CACNA1A: variants seen among roughly 807,000 people sequenced by gnomAD.
CACNA1A encodes calcium voltage-gated channel subunit alpha1 A.
In CACNA1A, 57 loss-of-function variants were observed where a neutral mutation model predicts 262.4. The ratio of observed to expected loss-of-function variants is 0.22; its 90% confidence interval spans 0.18 to 0.27. The LOEUF is 0.27. Among genes scored for constraint, CACNA1A ranks in the 10% least tolerant of loss-of-function variants. The pLI is 1.00. For synonymous variants in CACNA1A, 1,431 were observed against 1,419.3 expected, an observed-to-expected ratio of 1.01 and a Z score of -0.18; for missense variants, 2,526 against 3,562.8, an observed-to-expected ratio of 0.71 and a Z score of 7.41.
Position 13,343,422 on chromosome 19 carries a change from C to G in CACNA1A, c.979-7513G>C, listed in dbSNP as rs1250149327. 6.6e-5 allele frequency among the ~76,000 whole-genome samples: 10 copies of G among 152,216 alleles called. No homozygotes were observed. The East Asian group carries it at 1.7e-3, about 26-fold the overall frequency. ...TACAGGCATGAGCCACTGCACCCAG[C>G]CTCCTTCTGGTCTTTCTTAAATGCC... On this transcript the variant is annotated intron_variant, in intron 6 of 46. Transcript: ENST00000360228.
chr19:13,269,679 T>C (rs1423911580), intron 24 of CACNA1A, among the ~76,000 whole-genome samples: 1 of 152,188 alleles, frequency 6.6e-6, no homozygotes, highest in East Asian at 1.9e-4. Context: ...GCCGCCCTGA[T>C]GCATGGGCAC....
chr19:13,502,203 A>G (rs1393928713), intron 1 of CACNA1A, among the ~76,000 whole-genome samples: 1 of 151,110 alleles, frequency 6.6e-6, no homozygotes, highest in Admixed American at 6.6e-5. Context: ...CAATCAGCCA[A>G]TGTCCACAGA....
In CACNA1A at chr19:13,475,986, A is replaced by G. The variant is rs142762177; in HGVS notation, c.294-20774T>C. Among the ~76,000 whole-genome samples, 774 of 152,330 alleles carry G rather than the reference A, an allele frequency of 5.1e-3. 5 individuals carry two copies. The highest frequency in any genetic ancestry group is 0.017 in the African/African-American group (714 of 41,572). On this transcript the variant is annotated intron_variant, in intron 1 of 46. Coordinates refer to ENST00000360228, the MANE Select transcript of CACNA1A (RefSeq NM_001127222.2). ...GCAGGGGTTTATATGAGGCTATATA[A>G]GGAGGCGGGGACACAACCATGAAAG...
intron 29 of CACNA1A, among the ~76,000 whole-genome samples, chr19:13,253,445 CTTTTT>C (rs57960659): frequency 6.9e-4 from 65 of 94,246 alleles, no homozygotes; most frequent in African/African-American, 2.1e-3. Context: ...CTGAATTATA[CTTTTT>C]TTTTTTTTTT....
intron 1 of CACNA1A, among the ~76,000 whole-genome samples, chr19:13,497,548 AT>A (rs1981809690): frequency 1.9e-5 from 1 of 52,944 alleles, no homozygotes; most frequent in Non-Finnish European, 3.4e-5. Flanking sequence ...ATATATATAT[AT>A]ATATATATAT....
intron 1 of CACNA1A, among the ~76,000 whole-genome samples, chr19:13,474,587 G>A (rs111458800): frequency 1.4e-3 from 210 of 152,326 alleles, no homozygotes; most frequent in African/African-American, 4.7e-3. Context: ...GGGAGGCCAA[G>A]GCGGGCGGAT....
At chr19:13,483,141 A>C (rs1468135519) in intron 1 of CACNA1A, among the ~76,000 whole-genome samples, 1 of 152,066 alleles carries the variant, frequency 6.6e-6, no homozygotes, top group Non-Finnish European at 1.5e-5. Flanking sequence ...TGGCCTCCCA[A>C]AACTTCCTGT....
Position 13,207,313 on chromosome 19 carries a change from T to C in CACNA1A, c.7521A>G (p.Ter2507=), listed in dbSNP as rs753174126. The C allele has an allele frequency of 6.4e-7, 1 of 1,556,142 alleles. No individual in the cohort carries two copies. Residue 2507 remains the stop codon, a stop_retained_variant, in exon 47 of 47, where the codon TAA becomes TAG. Coordinates refer to ENST00000360228, the MANE Select transcript of CACNA1A (RefSeq NM_001127222.2). The surrounding 1 kb of genome is among the most constrained non-coding windows in gnomAD (Gnocchi z 5.7). The part of the protein sequence containing the change: ...PYSESDDDWC[*] ...CGGGCGGGCGCCACCTCGCCCGGGCTTAGCACCAATCATCGTCACTCTCGC... is the reference window on the plus strand; with the variant it reads ...CGGGCGGGCGCCACCTCGCCCGGGCCTAGCACCAATCATCGTCACTCTCGC...
At chr19:13,288,366 A>G (rs1034861334) in intron 19 of CACNA1A, among the ~76,000 whole-genome samples, 6 of 151,848 alleles carry the variant, frequency 4.0e-5, no homozygotes, top group Admixed American at 3.9e-4. Context: ...CAGCCTCCCG[A>G]ATAGCTGGGA....
intron 21 of CACNA1A, chr19:13,284,305 T>C (rs1297325684): frequency 6.6e-6 from 1 of 152,234 alleles, no homozygotes; most frequent in African/African-American, 2.4e-5. Flanking sequence ...CATAAGTGTT[T>C]CCTTAGTAAA....
chr19:13,457,624 G>A (rs142428042), intron 1 of CACNA1A, among the ~76,000 whole-genome samples: 391 of 152,288 alleles, frequency 2.6e-3, no homozygotes, highest in African/African-American at 9.0e-3. Context: ...GCCGAGGCAG[G>A]CAGATCACCT....
At chr19:13,455,775 C>A (rs954656013) in intron 1 of CACNA1A, among the ~76,000 whole-genome samples, 1 of 147,760 alleles carries the variant, frequency 6.8e-6, no homozygotes, top group African/African-American at 2.5e-5. Context: ...GAGGCTGAGG[C>A]GAGAGAATTG....
chr19:13,485,907 A>G (rs947227399), intron 1 of CACNA1A, among the ~76,000 whole-genome samples: 16 of 152,368 alleles, frequency 1.1e-4, no homozygotes, highest in African/African-American at 3.1e-4. Flanking sequence ...AGCAGAATCC[A>G]TAAACAACCA....
In CACNA1A at chr19:13,207,564, C is replaced by T. The variant is rs2054613037; in HGVS notation, c.7270G>A (p.Gly2424Arg). The T allele has an allele frequency of 2.7e-6, 4 of 1,468,368 alleles. No homozygotes were observed. Among genetic ancestry groups the T allele is most frequent in the South Asian group, 1.3e-5 (1 of 78,424 alleles). 91.0% of individuals were successfully genotyped at this position (1,468,368 alleles called of 1,614,324 possible). Reference protein sequence around the residue: ...DYDEADGPGSGGGEEAMAGAY... With the variant: ...DYDEADGPGSRGGEEAMAGAY... ...CCGGCCATGGCCTCCTCGCCGCCCC[C>T]GCTGCCCGGGCCATCGGCCTCGTCG... The change falls in exon 47 of 47, where the codon GGG becomes AGG. Residue 2424 changes from glycine to arginine, a missense_variant. Around this residue, in one of 17 missense-constraint regions of CACNA1A, gnomAD observed 929 missense variants for 868.1 expected, o/e 1.07. Transcript: ENST00000360228. This position sits in a 1 kb window ranked among gnomAD's most constrained non-coding sequence, Gnocchi z 5.7.
rs979313844 is a variant in CACNA1A at position 13,257,085 on chromosome 19, T to A, written c.4590+265A>T. The A allele has an allele frequency of 1.0e-5, 3 of 286,534 alleles. No homozygotes were observed. The Admixed American group carries it at 1.4e-4, about 13-fold the overall frequency. 17.7% of individuals were successfully genotyped at this position (286,534 alleles called of 1,614,324 possible). A position where few individuals can be genotyped will look rare whatever the true frequency, so the allele number is the denominator to read the frequency against. On this transcript the variant is annotated intron_variant, in intron 28 of 46. Coordinates refer to ENST00000360228, the MANE Select transcript of CACNA1A (RefSeq NM_001127222.2). ...ACATGCAGTGTGAGCAAAAAATAAG[T>A]CCCTTTGTGGATATTTGGCAATGAA...
chr19:13,462,326 T>G (rs532406918), intron 1 of CACNA1A, among the ~76,000 whole-genome samples: 1 of 152,148 alleles, frequency 6.6e-6, no homozygotes, highest in Non-Finnish European at 1.5e-5. Context: ...GCCAGGTCAT[T>G]GAGCTTGTGT....
Position 13,506,285 on chromosome 19 carries a change from C to CCGA in CACNA1A, c.-62_-61insTCG. 2.2e-6 allele frequency: 3 copies of CCGA among 1,343,358 alleles called. No individual in the cohort carries two copies. The highest frequency in any genetic ancestry group is 2.9e-6 in the Non-Finnish European group (3 of 1,043,790). The allele number at this position is 1,343,358 out of a possible 1,614,324, so 83.2% of individuals were successfully genotyped here. On this transcript the variant is annotated 5_prime_UTR_variant, in exon 1 of 47. Coordinates refer to ENST00000360228, the MANE Select transcript of CACNA1A (RefSeq NM_001127222.2). ...GCGAACGATGCGGAAGACGCCGCCGCCGCCGCCGCCGCCGCTGATGCTGAG... is the reference window on the plus strand; with the variant it reads ...GCGAACGATGCGGAAGACGCCGCCGCCGACGCCGCCGCCGCCGCTGATGCTGAG...
At chr19:13,332,560 G>A (rs1314473153) in intron 9 of CACNA1A, among the ~76,000 whole-genome samples, 7 of 152,062 alleles carry the variant, frequency 4.6e-5, no homozygotes, top group Non-Finnish European at 1.0e-4. Flanking sequence ...TATCCCAGGT[G>A]TTCTATTTGC....
chr19:13,373,637 C>A lies in CACNA1A; in HGVS notation c.540-1858G>T, dbSNP rs567695229. 3.3e-5 allele frequency among the ~76,000 whole-genome samples: 5 copies of A among 152,314 alleles called. No individual in the cohort carries two copies. In the South Asian group the frequency reaches 1.0e-3, roughly 32 times the overall value. On this transcript the variant is annotated intron_variant, in intron 3 of 46. Coordinates refer to ENST00000360228, the MANE Select transcript of CACNA1A (RefSeq NM_001127222.2). ...TCCTTCTCCAACCCTTCTGGGGTCACCTCTCAGATGAACTACTTGCACAAG... is the reference window on the plus strand; with the variant it reads ...TCCTTCTCCAACCCTTCTGGGGTCAACTCTCAGATGAACTACTTGCACAAG...
Sources: gnomAD v4.1 joint callset for allele counts (sites outside exome capture counted in the v4.1 genomes callset) on GRCh38, gnomAD v4.1.1 for gene constraint, gnomAD v4.1.1 regional missense constraint, Gnocchi (gnomAD v3.1) non-coding constraint, MANE v1.5 for transcripts, NCBI Gene and HGNC (gene_info 2026-07-23, HGNC 2026-07-21) for gene names.